The following CAMTA1 variants were observed in gnomAD, a reference collection of about 807,000 sequenced individuals.
CAMTA1 encodes the protein calmodulin-binding transcription activator 1.
A neutral mutation model predicts 170.9 loss-of-function variants in CAMTA1; 27 were observed. That is an observed-to-expected ratio of 0.16 (90% confidence interval 0.12 to 0.22). The LOEUF is 0.22. Among genes scored for constraint, CAMTA1 ranks in the 10% least tolerant of loss-of-function variants. CAMTA1 has a pLI of 1.00. For synonymous variants in CAMTA1, 833 were observed against 891.5 expected (o/e 0.93, Z 1.17); for missense variants, 1,619 against 2,217.2 (o/e 0.73, Z 5.42).
chr1:7,486,564 CG>C (rs1216210696), intron 6 of CAMTA1, among the ~76,000 whole-genome samples: 1 of 152,206 alleles, frequency 6.6e-6, no homozygotes, highest in African/African-American at 2.4e-5. Context: ...CCAAGGCTGA[CG>C]GGGGCCTGCT....
chr1:7,739,935 C>T (rs958310427), intron 16 of CAMTA1, among the ~76,000 whole-genome samples: 1 of 152,134 alleles, frequency 6.6e-6, no homozygotes, highest in African/African-American at 2.4e-5. Flanking sequence ...AACCATATCA[C>T]CTACCGACCA....
At position 6,990,638 on chromosome 1, in the gene CAMTA1, A is replaced by G. The variant is rs907765709; in HGVS notation, c.235-100666A>G. On this transcript the variant is annotated intron_variant, in intron 3 of 22. Transcript: ENST00000303635. ...TTCTATAAAGACACAGAACATTTCT[A>G]TCATCCCAAAAGGGTTCCTCTGGTC... Among the ~76,000 whole-genome samples the G allele has an allele frequency of 3.3e-5, 5 of 152,270 alleles. No homozygotes were observed. The East Asian group carries it at 5.8e-4, about 18-fold the overall frequency.
chr1:7,462,223 G>A (rs961461551), intron 5 of CAMTA1, among the ~76,000 whole-genome samples: 1 of 152,156 alleles, frequency 6.6e-6, no homozygotes, highest in African/African-American at 2.4e-5. Flanking sequence ...CGCCTCCTGG[G>A]TTCAAGCAAT....
intron 3 of CAMTA1, among the ~76,000 whole-genome samples, chr1:6,999,383 C>CATTT (rs913633885): frequency 6.6e-6 from 1 of 152,022 alleles, no homozygotes; most frequent in South Asian, 2.1e-4. Flanking sequence ...CCTCGGGGAG[C>CATTT]ATTTATTTAT....
At chr1:6,847,237 T>A (rs1658537283) in intron 3 of CAMTA1, among the ~76,000 whole-genome samples, 1 of 152,030 alleles carries the variant, frequency 6.6e-6, no homozygotes, top group Admixed American at 6.6e-5. Flanking sequence ...ACTCCTGGCC[T>A]CAAGTGAAGG....
chr1:7,584,446 C>T (rs563618618), intron 6 of CAMTA1, among the ~76,000 whole-genome samples: 4 of 152,170 alleles, frequency 2.6e-5, no homozygotes, highest in African/African-American at 7.2e-5. Flanking sequence ...GCTAAGCTGA[C>T]GGCAGGATTG....
chr1:7,337,803 CG>C (rs2083496561), intron 5 of CAMTA1, among the ~76,000 whole-genome samples: 1 of 152,154 alleles, frequency 6.6e-6, no homozygotes, highest in Non-Finnish European at 1.5e-5. Flanking sequence ...AACCTAGAAG[CG>C]CTGCCTGAGT....
At chr1:7,055,520 C>T (rs574855513) in intron 3 of CAMTA1, among the ~76,000 whole-genome samples, 33 of 152,338 alleles carry the variant, frequency 2.2e-4, no homozygotes, top group Non-Finnish European at 4.1e-4. Context: ...ACACAATACA[C>T]GTGTTAGACT....
At chr1:6,790,427 G>A (rs1640764037) in intron 1 of CAMTA1, among the ~76,000 whole-genome samples, 1 of 151,030 alleles carries the variant, frequency 6.6e-6, no homozygotes, top group Non-Finnish European at 1.5e-5. Context: ...AGTAAAGTCA[G>A]CCTTCTTAAT....
intron 4 of CAMTA1, among the ~76,000 whole-genome samples, chr1:7,162,337 A>G (rs1346100326): frequency 6.6e-6 from 1 of 152,130 alleles, no homozygotes; most frequent in African/African-American, 2.4e-5. Context: ...CAAAGAGTAC[A>G]ATTTGATGGT....
At chr1:6,800,885 G>A (rs973853029) in intron 1 of CAMTA1, among the ~76,000 whole-genome samples, 2 of 152,182 alleles carry the variant, frequency 1.3e-5, no homozygotes, top group Non-Finnish European at 2.9e-5. Context: ...GCAAGTTGAA[G>A]TTCCTGGTGT....
At chr1:7,117,612 C>T (rs908115564) in intron 4 of CAMTA1, among the ~76,000 whole-genome samples, 2 of 152,172 alleles carry the variant, frequency 1.3e-5, no homozygotes, top group Admixed American at 1.3e-4. Context: ...TGGCTCCCCC[C>T]TAGTGGGCAC....
At chr1:7,692,668 C>T (rs1434490379) in intron 11 of CAMTA1, among the ~76,000 whole-genome samples, 4 of 152,194 alleles carry the variant, frequency 2.6e-5, no homozygotes, top group Non-Finnish European at 5.9e-5. Context: ...TGGTGCTTCA[C>T]ATCATGGCCC....
intron 7 of CAMTA1, 87 bp from the exon 8 acceptor site, chr1:7,661,639 G>A (rs1431253951): frequency 9.6e-6 from 14 of 1,456,060 alleles, no homozygotes; most frequent in Non-Finnish European, 1.3e-5. Flanking sequence ...CTGCCCTCAG[G>A]GAGGGCCTGG....
rs2149245765 is a variant in CAMTA1, at chr1:7,673,538, A to G, written c.2779+2501A>G. On this transcript the variant is annotated intron_variant, in intron 10 of 22. Coordinates refer to ENST00000303635, the MANE Select transcript of CAMTA1 (RefSeq NM_015215.4). The surrounding 1 kb of genome is among the most constrained non-coding windows in gnomAD (Gnocchi z 4.6). ...GGTCCTGGGGCATTTCTGGGTCCCC[A>G]GAGATGGCAGGTAGAGTCTCTGCCC... is the stretch of plus-strand genomic sequence containing the variant. Among the ~76,000 whole-genome samples the G allele has an allele frequency of 6.6e-6, 1 of 152,316 alleles. No individual in the cohort carries two copies. The highest frequency in any genetic ancestry group is 2.1e-4 in the South Asian group (1 of 4,824).
At chr1:7,223,088 A>G (rs1179302349) in intron 4 of CAMTA1, among the ~76,000 whole-genome samples, 1 of 152,120 alleles carries the variant, frequency 6.6e-6, no homozygotes, top group African/African-American at 2.4e-5. Context: ...CCACCCCCTC[A>G]TACATCTTTC....
chr1:6,897,424 A>G (rs530876684), intron 3 of CAMTA1, among the ~76,000 whole-genome samples: 1 of 82,046 alleles, frequency 1.2e-5, no homozygotes, highest in South Asian at 3.2e-4. Context: ...TTGGTTTCCT[A>G]GTTAGTGCAA....
intron 3 of CAMTA1, among the ~76,000 whole-genome samples, chr1:6,891,108 T>TTC (rs1304385497): frequency 6.6e-6 from 1 of 152,150 alleles, no homozygotes; most frequent in African/African-American, 2.4e-5. Context: ...CTAAAGACAT[T>TTC]TCTCTTTCCT....
At chr1:7,712,719 A>T (rs1313145342) in intron 11 of CAMTA1, among the ~76,000 whole-genome samples, 1 of 152,230 alleles carries the variant, frequency 6.6e-6, no homozygotes, top group Non-Finnish European at 1.5e-5. Context: ...GTCCATTTTC[A>T]TGCTGCTATG....
Sources: allele counts gnomAD v4.1 joint callset (sites outside exome capture counted in the v4.1 genomes callset), GRCh38; gene constraint gnomAD v4.1.1; non-coding constraint Gnocchi (gnomAD v3.1); transcripts MANE v1.5; gene names NCBI Gene and HGNC (gene_info 2026-07-23, HGNC 2026-07-21).